LNPEP: variants seen among roughly 807,000 people sequenced by gnomAD.
LNPEP encodes leucyl and cystinyl aminopeptidase, also known as leucyl-cystinyl aminopeptidase.
In LNPEP, 64 loss-of-function variants were observed where a neutral mutation model predicts 120.6. The observed-to-expected ratio is 0.53, with a 90% CI of 0.43 to 0.65. The LOEUF (loss-of-function observed/expected upper bound fraction) is 0.65, where lower values mean the gene tolerates loss of function less well. LNPEP is among the 30% of genes least tolerant of loss of function. LNPEP has a pLI of 0.00. For missense variants in LNPEP, 1,057 were observed against 1,200.0 expected, an observed-to-expected ratio of 0.88 and a Z score of 1.76; for synonymous variants, 435 against 425.4, an observed-to-expected ratio of 1.02 and a Z score of -0.28.
intron 11 of LNPEP, among the ~76,000 whole-genome samples, chr5:97,012,551 T>C (rs955748591): frequency 1.3e-5 from 2 of 152,184 alleles, no homozygotes; most frequent in Non-Finnish European, 2.9e-5. Flanking sequence ...TTATAGGGGC[T>C]GAGGCGTTAG....
In LNPEP at chr5:96,974,058, C is replaced by T. The variant is rs562513517; in HGVS notation, c.20-5080C>T. On this transcript the variant is annotated intron_variant, in intron 1 of 17. Coordinates refer to ENST00000231368, the MANE Select transcript of LNPEP (RefSeq NM_005575.3). ...GTTTAACTTTTATTGTGGTAAAATA[C>T]ACATAACACTTCTCTTCTTTTAGAC... Among the ~76,000 whole-genome samples, 4 of 152,256 alleles carry T rather than the reference C, an allele frequency of 2.6e-5. No individual in the cohort carries two copies. In the East Asian group the frequency reaches 5.8e-4, roughly 22 times the overall value.
intron 8 of LNPEP, among the ~76,000 whole-genome samples, chr5:97,001,994 G>T (rs1168114512): frequency 6.6e-6 from 1 of 152,072 alleles, no homozygotes; most frequent in Non-Finnish European, 1.5e-5. Flanking sequence ...ACAAAAATTA[G>T]CTGGGCGTGG....
chr5:97,028,532 A>G lies in LNPEP; in HGVS notation c.3077A>G (p.Ter1026TrpextTer82), dbSNP rs1222181420. The part of the protein sequence containing the change: ...KNLKSLTWWL[*>W] ...CTCAAAAGTCTCACATGGTGGCTGT[A>G]GCATGCACAACCGCACCTCATTTTG... The change falls in exon 18 of 18, where the codon TAG becomes TGG. Residue 1026 changes from the stop codon to tryptophan (W), a stop_lost. Transcript: ENST00000231368. 6.2e-7 allele frequency: 1 copy of G among 1,613,584 alleles called. No homozygotes were observed. The highest frequency in any genetic ancestry group is 8.5e-7 in the Non-Finnish European group (1 of 1,179,594).
chr5:96,944,543 TGTTTTTCTTATTTTTGC>T (rs1789137668), intron 1 of LNPEP, among the ~76,000 whole-genome samples: 4 of 149,524 alleles, frequency 2.7e-5, no homozygotes, highest in Admixed American at 6.7e-5. Context: ...TTTTCTTTTT[TGTTTTTCTTATTTTTGC>T]TTTTTTTTTT....
chr5:97,012,861 A>G (rs1354319510), intron 11 of LNPEP, among the ~76,000 whole-genome samples: 1 of 152,150 alleles, frequency 6.6e-6, no homozygotes, highest in East Asian at 1.9e-4. Context: ...CTATTGTTTT[A>G]ACCCAATTAT....
chr5:96,999,356 C>T (rs537403082), intron 8 of LNPEP, among the ~76,000 whole-genome samples: 2 of 152,144 alleles, frequency 1.3e-5, no homozygotes, highest in South Asian at 4.1e-4. Context: ...AGGGAAAGTA[C>T]TTAAAGTATT....
chr5:96,989,300 A>G (rs166140), intron 4 of LNPEP, among the ~76,000 whole-genome samples: 7 of 74,376 alleles, frequency 9.4e-5, no homozygotes, highest in South Asian at 4.1e-4. Flanking sequence ...ATTTATATAT[A>G]ATATATTGTA....
intron 8 of LNPEP, among the ~76,000 whole-genome samples, chr5:96,999,488 C>G (rs1346987288): frequency 6.6e-6 from 1 of 152,120 alleles, no homozygotes; most frequent in East Asian, 1.9e-4. Context: ...GTTCAGTTAG[C>G]TATATTAAAT....
At chr5:96,968,192 T>G (rs1447207256) in intron 1 of LNPEP, among the ~76,000 whole-genome samples, 2 of 151,682 alleles carry the variant, frequency 1.3e-5, no homozygotes, top group Non-Finnish European at 2.9e-5. Context: ...GGGGAGAGAG[T>G]GAAGTGACTC....
chr5:96,944,841 G>C (rs1362223245), intron 1 of LNPEP, among the ~76,000 whole-genome samples: 1 of 151,948 alleles, frequency 6.6e-6, no homozygotes, highest in African/African-American at 2.4e-5. Context: ...AAAGTGCTGG[G>C]ATTACAGGCA....
intron 1 of LNPEP, among the ~76,000 whole-genome samples, chr5:96,961,551 G>A (rs1789606603): frequency 6.6e-6 from 1 of 151,918 alleles, no homozygotes; most frequent in Non-Finnish European, 1.5e-5. Context: ...AAAGCTTCTG[G>A]TTTTTAAAAA....
At chr5:97,021,814 T>C (rs1791203489) in intron 13 of LNPEP, among the ~76,000 whole-genome samples, 1 of 151,650 alleles carries the variant, frequency 6.6e-6, no homozygotes, top group African/African-American at 2.4e-5. Flanking sequence ...GTTTCATATG[T>C]CAGTTGATAT....
Position 96,979,783 on chromosome 5 carries a change from T to G in LNPEP, c.665T>G (p.Met222Arg), listed in dbSNP as rs143676072. ...CATAATATTTCAAGAGTGACCTTTA[T>G]GTCAGCAGTTTCAAGCCAAGAAAAA... ...TGHNISRVTF[M>R]SAVSSQEKQA... The change falls in exon 2 of 18, where the codon ATG becomes AGG. Residue 222 changes from methionine (M) to arginine (R), a missense_variant. Coordinates refer to ENST00000231368, the MANE Select transcript of LNPEP (RefSeq NM_005575.3). 328 of 1,614,052 alleles carry G rather than the reference T, an allele frequency of 2.0e-4. 2 individuals are homozygous for G. In the East Asian group the frequency reaches 6.9e-3, roughly 34 times the overall value.
At chr5:96,952,195 T>G (rs1372093625) in intron 1 of LNPEP, among the ~76,000 whole-genome samples, 4 of 152,240 alleles carry the variant, frequency 2.6e-5, no homozygotes, top group Non-Finnish European at 5.9e-5. Context: ...AGATGCATTA[T>G]TTTTCATTTT....
chr5:96,972,508 ACT>A (rs1476259540), intron 1 of LNPEP, among the ~76,000 whole-genome samples: 1 of 151,800 alleles, frequency 6.6e-6, no homozygotes, highest in Non-Finnish European at 1.5e-5. Context: ...TTGGCTAAGG[ACT>A]CTCAGAAAAC....
chr5:96,999,028 A>C (rs1050916562), intron 8 of LNPEP, among the ~76,000 whole-genome samples: 1 of 152,200 alleles, frequency 6.6e-6, no homozygotes, highest in Admixed American at 6.5e-5. Flanking sequence ...GTTTGACCAC[A>C]GTGGAAGCCA....
rs1475279553 is a variant in LNPEP, at chr5:97,033,128, C to G, written c.*4595C>G. 1 of 151,998 alleles carries G rather than the reference C, an allele frequency of 6.6e-6. No homozygotes were observed. Among genetic ancestry groups the G allele is most frequent in the Non-Finnish European group, 1.5e-5 (1 of 67,988 alleles). The allele number at this position is 151,998 out of a possible 1,614,324, so 9.4% of individuals were successfully genotyped here. ...ATGTATATAAATAAACTTGCTACTA[C>G]ATTGTATTACTAATTTGGTTCACAC... On this transcript the variant is annotated 3_prime_UTR_variant, in exon 18 of 18. Transcript: ENST00000231368.
chr5:97,008,337 G>GTTTTTTTTTTTTTTTTTTTTTTTTT lies in LNPEP; in HGVS notation c.2035+1829_2035+1853dup, dbSNP rs781727347. ...TTGATTTTTTTGTTTGTTTTTTCTT[G>GTTTTTTTTTTTTTTTTTTTTTTTTT]TTTTTTTTTTTTTTTTTTTTTTTTT... On this transcript the variant is annotated intron_variant, in intron 11 of 17. Transcript: ENST00000231368. Among the ~76,000 whole-genome samples, 25 of 59,844 alleles carry GTTTTTTTTTTTTTTTTTTTTTTTTT rather than the reference G, an allele frequency of 4.2e-4. 2 individuals carry two copies. The highest frequency in any genetic ancestry group is 5.2e-4 in the African/African-American group (7 of 13,358). The allele number at this position is 59,844 out of a possible 152,430, so 39.3% of individuals were successfully genotyped here. A position where few individuals can be genotyped will look rare whatever the true frequency, so the allele number is the denominator to read the frequency against.
chr5:97,002,423 A>G (rs1230277330), intron 8 of LNPEP, among the ~76,000 whole-genome samples: 1 of 152,234 alleles, frequency 6.6e-6, no homozygotes, highest in Non-Finnish European at 1.5e-5. Context: ...AAAGTTGGTG[A>G]TGCAGAAGAG....
Sources: gnomAD v4.1 joint callset for allele counts (sites outside exome capture counted in the v4.1 genomes callset) on GRCh38, gnomAD v4.1.1 for gene constraint, MANE v1.5 for transcripts, NCBI Gene and HGNC (gene_info 2026-07-23, HGNC 2026-07-21) for gene names.